Variants in MPZ observed in about 807,000 individuals in gnomAD.
The protein encoded by MPZ is myelin protein zero.
A neutral mutation model predicts 27.9 loss-of-function variants in MPZ; 13 were observed. The ratio of observed to expected loss-of-function variants is 0.47; its 90% CI spans 0.30 to 0.74. MPZ has a LOEUF of 0.74. MPZ is among the 30% of genes least tolerant of loss of function. The pLI is 0.06. For synonymous variants in MPZ, 118 were observed against 128.9 expected, an observed-to-expected ratio of 0.92 and a Z score of 0.57; for missense variants, 256 against 317.5, an observed-to-expected ratio of 0.81 and a Z score of 1.47.
At position 161,306,006 on chromosome 1, in the gene MPZ, C is replaced by G. The variant is rs61458643; in HGVS notation, c.646-29G>C. ...GGGGAGGGGCGCACACATCAGTCAC[C>G]GAGCGACTGGGGCTTGACTGTTCCC... On this transcript the variant is annotated intron_variant, in intron 5 of 5. Transcript: ENST00000533357. The G allele has an allele frequency of 2.6e-3, 4,196 of 1,609,112 alleles. 114 individuals carry two copies. The African/African-American group carries it at 0.051, about 19-fold the overall frequency.
chr1:161,305,705 C>T lies in MPZ; in HGVS notation c.*171G>A. 1 of 605,662 alleles carries T rather than the reference C, an allele frequency of 1.7e-6. No individual in the cohort carries two copies. The allele number at this position is 605,662 out of a possible 1,614,324, so 37.5% of individuals were successfully genotyped here. A position where few individuals can be genotyped will look rare whatever the true frequency, so the allele number is the denominator to read the frequency against. The stretch of plus-strand genomic sequence containing the variant: ...GCGATCACTTGTCCGAGTTCAGGCC[C>T]ATCATGTTCTTGAGGGCGTTTTTGA... On this transcript the variant is annotated 3_prime_UTR_variant, in exon 6 of 6. Transcript: ENST00000533357.
chr1:161,306,334 C>T lies in MPZ; in HGVS notation c.579G>A (p.Arg193=), dbSNP rs1306192667. 3.1e-6 allele frequency: 5 copies of T among 1,614,094 alleles called. No individual in the cohort carries two copies. The South Asian group carries it at 4.4e-5, about 14-fold the overall frequency. Residue 193 remains arginine (R), a synonymous_variant, in exon 4 of 6, where the codon AGG becomes AGA. Coordinates refer to ENST00000533357, the MANE Select transcript of MPZ (RefSeq NM_000530.8). ...WLRRQAALQR[R]LSAMEKGKLH... ...AGCTAGGCTCCGCCCCTTACCTGAG[C>T]CTCCTCTGCAGGGCCGCCTGCCTGC... is the stretch of plus-strand genomic sequence containing the variant.
chr1:161,308,473 C>G (rs1342587182), intron 1 of MPZ, among the ~76,000 whole-genome samples: 1 of 152,164 alleles, frequency 6.6e-6, no homozygotes, highest in African/African-American at 2.4e-5. Flanking sequence ...CAACTGTAGA[C>G]CTTTTTGTTC....
chr1:161,306,541 G>C (rs1670253562), intron 3 of MPZ, 77 bp from the exon 4 acceptor site: 11 of 1,588,512 alleles, frequency 6.9e-6, no homozygotes, highest in Non-Finnish European at 9.5e-6. Context: ...TGTATGCCCT[G>C]CATTGAGGAT....
Position 161,305,853 on chromosome 1 carries a change from T to TA in MPZ, c.*22_*23insT. On this transcript the variant is annotated 3_prime_UTR_variant, in exon 6 of 6. Transcript: ENST00000533357. ...GGCGGACTCCACCCCTAACCCCCGA[T>TA]CCCCCGCCCGGCCCGCTAACCGCTA... The TA allele has an allele frequency of 2.1e-6, 3 of 1,413,982 alleles. No homozygotes were observed. Among genetic ancestry groups the TA allele is most frequent in the Non-Finnish European group, 3.0e-6 (3 of 1,008,934 alleles). 87.6% of individuals were successfully genotyped at this position (1,413,982 alleles called of 1,614,324 possible).
chr1:161,309,729 G>A (rs1371873917), intron 1 of MPZ, 110 bp downstream of exon 1: 9 of 900,288 alleles, frequency 1.0e-5, no homozygotes, highest in African/African-American at 1.7e-5. Context: ...TCACCTTCCT[G>A]CTCCTGCTTG....
rs1401084449 is a variant in MPZ, at chr1:161,305,670, TG to T, written c.*205del. The T allele has an allele frequency of 1.6e-5, 8 of 497,010 alleles. No homozygotes were observed. Among genetic ancestry groups the T allele is most frequent in the Non-Finnish European group, 2.7e-5 (8 of 291,496 alleles). The allele number at this position is 497,010 out of a possible 1,614,324, so 30.8% of individuals were successfully genotyped here. A position where few individuals can be genotyped will look rare whatever the true frequency, so the allele number is the denominator to read the frequency against. On this transcript the variant is annotated 3_prime_UTR_variant, in exon 6 of 6. Transcript: ENST00000533357. The stretch of plus-strand genomic sequence containing the variant: ...CCCCCTGCTCTGGCAGGGCCTGGGG[TG>T]GGGGGGTGGCGATCACTTGTCCGAG...
At chr1:161,306,600 A>G in intron 3 of MPZ, 108 bp downstream of exon 3, 1 of 1,546,968 alleles carries the variant, frequency 6.5e-7, no homozygotes, top group African/African-American at 1.4e-5. Flanking sequence ...CCAGAGCCTG[A>G]ATAAAGGTCC....
In MPZ at chr1:161,309,555, T is replaced by A. The variant is rs1286042228; in HGVS notation, c.67+284A>T. 1.6e-4 allele frequency among the ~76,000 whole-genome samples: 22 copies of A among 140,886 alleles called. 1 individual carries two copies. Among genetic ancestry groups the A allele is most frequent in the African/African-American group, 3.5e-4 (13 of 37,512 alleles). 92.4% of individuals were successfully genotyped at this position (140,886 alleles called of 152,430 possible). On this transcript the variant is annotated intron_variant, in intron 1 of 5. Transcript: ENST00000533357. The stretch of plus-strand genomic sequence containing the variant: ...CTTTTCATATATATATATATATATT[T>A]TTTTTTTTTTTGAATTTTACAGATG...
At chr1:161,303,775 T>C (rs1220832921), downstream of MPZ, among the ~76,000 whole-genome samples, 1 of 152,224 alleles carries the variant, frequency 6.6e-6, no homozygotes, top group East Asian at 1.9e-4. Flanking sequence ...TATTACTGGG[T>C]TGTGACTAAG....
At chr1:161,307,541 G>A in intron 1 of MPZ, 117 bp from the exon 2 acceptor site, 1 of 1,161,578 alleles carries the variant, frequency 8.6e-7, no homozygotes, top group Non-Finnish European at 1.3e-6. Flanking sequence ...ATTTGGAAAA[G>A]AAACAACAAA....
intron 2 of MPZ, 69 bp downstream of exon 2, chr1:161,307,189 A>G (rs754230510): frequency 2.8e-5 from 44 of 1,597,602 alleles, no homozygotes; most frequent in Middle Eastern, 3.3e-4. Flanking sequence ...CCTTAGCCCA[A>G]GTTATCTTTT....
intron 2 of MPZ, 114 bp downstream of exon 2, chr1:161,307,144 A>G: frequency 2.1e-6 from 3 of 1,404,216 alleles, no homozygotes; most frequent in Non-Finnish European, 3.0e-6. Flanking sequence ...TACCTTGCCA[A>G]AGTTGGGGTT....
rs1224416223 is a variant in MPZ, at chr1:161,306,698, C to T, written c.448+10G>A. 1 of 1,613,664 alleles carries T rather than the reference C, an allele frequency of 6.2e-7. No individual in the cohort carries two copies. The highest frequency in any genetic ancestry group is 1.7e-5 in the Admixed American group (1 of 60,020). ...GCTTCCCATACCCTTGTCCCCATCCCTTCTCACACCTTTTTCAAAGACATA... is the reference window on the plus strand; with the variant it reads ...GCTTCCCATACCCTTGTCCCCATCCTTTCTCACACCTTTTTCAAAGACATA... On this transcript the variant is annotated intron_variant, in intron 3 of 5. Coordinates refer to ENST00000533357, the MANE Select transcript of MPZ (RefSeq NM_000530.8).
At chr1:161,309,477 CCTTT>C (rs1190633797) in intron 1 of MPZ, among the ~76,000 whole-genome samples, 1 of 150,092 alleles carries the variant, frequency 6.7e-6, no homozygotes, top group Non-Finnish European at 1.5e-5. Flanking sequence ...TCTCTTTTAC[CCTTT>C]CTTTTAAAAT....
At chr1:161,309,552 A>ATATATATATTTTTTTTTTTTTTT in intron 1 of MPZ, among the ~76,000 whole-genome samples, 1 of 80,666 alleles carries the variant, frequency 1.2e-5, no homozygotes, top group African/African-American at 5.8e-5. Flanking sequence ...ATATATATAT[A>ATATATATATTTTTTTTTTTTTTT]TTTTTTTTTT....
At position 161,307,452 on chromosome 1, in the gene MPZ, G is replaced by T. The variant is rs551033846; in HGVS notation, c.68-28C>A. 3.7e-6 allele frequency: 6 copies of T among 1,613,376 alleles called. No homozygotes were observed. In the African/African-American group the frequency reaches 8.0e-5, roughly 21 times the overall value. On this transcript the variant is annotated intron_variant, in intron 1 of 5. Coordinates refer to ENST00000533357, the MANE Select transcript of MPZ (RefSeq NM_000530.8). Reference sequence around the variant, plus strand: ...GCAAGCACAAAGTGGGGAATCAGATGCACCTATGGGCCCAGTAAGGGATAC... The same window carrying T: ...GCAAGCACAAAGTGGGGAATCAGATTCACCTATGGGCCCAGTAAGGGATAC...
chr1:161,305,660 G>A lies in MPZ; in HGVS notation c.*216C>T. 1 of 584,276 alleles carries A rather than the reference G, an allele frequency of 1.7e-6. No homozygotes were observed. The highest frequency in any genetic ancestry group is 3.0e-6 in the Non-Finnish European group (1 of 329,660). The allele number at this position is 584,276 out of a possible 1,614,324, so 36.2% of individuals were successfully genotyped here. A position where few individuals can be genotyped will look rare whatever the true frequency, so the allele number is the denominator to read the frequency against. On this transcript the variant is annotated 3_prime_UTR_variant, in exon 6 of 6. Transcript: ENST00000533357. ...GAGCCTAGGTCCCCCTGCTCTGGCAGGGCCTGGGGTGGGGGGGTGGCGATC... is the reference window on the plus strand; with the variant it reads ...GAGCCTAGGTCCCCCTGCTCTGGCAAGGCCTGGGGTGGGGGGGTGGCGATC...
intron 1 of MPZ, among the ~76,000 whole-genome samples, chr1:161,307,730 T>C (rs1323773664): frequency 6.6e-6 from 1 of 152,224 alleles, no homozygotes; most frequent in African/African-American, 2.4e-5. Context: ...AGTATCTAAC[T>C]TTTAAGCTAT....
Sources: allele counts gnomAD v4.1 joint callset (sites outside exome capture counted in the v4.1 genomes callset), GRCh38; gene constraint gnomAD v4.1.1; transcripts MANE v1.5; gene names NCBI Gene and HGNC (gene_info 2026-07-23, HGNC 2026-07-21).